LATS1: variants seen among roughly 807,000 people sequenced by gnomAD.
LATS1 encodes large tumor suppressor kinase 1.
Under a neutral mutation model 106.6 loss-of-function variants are expected in LATS1, and 25 were observed. The ratio of observed to expected loss-of-function variants is 0.23; its 90% CI spans 0.17 to 0.33. LATS1 has a LOEUF of 0.33. LATS1 is among the 10% of genes least tolerant of loss of function. LATS1 has a pLI of 1.00. For missense variants in LATS1, 1,040 were observed against 1,382.6 expected, an observed-to-expected ratio of 0.75 and a Z score of 3.93; for synonymous variants, 465 against 455.6, an observed-to-expected ratio of 1.02 and a Z score of -0.26.
rs909666768 is a variant in LATS1 at position 149,660,374 on chromosome 6, G to A, written c.*1355C>T. ...CTGCCTTTAATTTTACTACATATAC[G>A]GTTTCAATTAGCTTTTATGCGAAGA... On this transcript the variant is annotated 3_prime_UTR_variant, in exon 8 of 8. Transcript: ENST00000543571. 4.3e-6 allele frequency: 1 copy of A among 232,768 alleles called. No individual in the cohort carries two copies. The highest frequency in any genetic ancestry group is 8.5e-6 in the Non-Finnish European group (1 of 117,946). 14.4% of individuals were successfully genotyped at this position (232,768 alleles called of 1,614,324 possible). A position where few individuals can be genotyped will look rare whatever the true frequency, so the allele number is the denominator to read the frequency against.
At chr6:149,701,103 C>A (rs1211221848) in intron 2 of LATS1, among the ~76,000 whole-genome samples, 1 of 152,208 alleles carries the variant, frequency 6.6e-6, no homozygotes, top group Non-Finnish European at 1.5e-5. Context: ...TTTGATTATT[C>A]ACATTTACTT....
chr6:149,702,918 C>A (rs1244478131), intron 1 of LATS1, among the ~76,000 whole-genome samples: 6 of 151,054 alleles, frequency 4.0e-5, no homozygotes, highest in Non-Finnish European at 4.4e-5. Flanking sequence ...CATGATCCAC[C>A]CACCTCAGCC....
In LATS1 at chr6:149,676,459, T is replaced by C. The variant is rs970051889; in HGVS notation, c.2777-93A>G. 3 of 1,368,922 alleles carry C rather than the reference T, an allele frequency of 2.2e-6. No individual in the cohort carries two copies. The African/African-American group carries it at 4.4e-5, about 20-fold the overall frequency. The allele number at this position is 1,368,922 out of a possible 1,614,324, so 84.8% of individuals were successfully genotyped here. On this transcript the variant is annotated intron_variant, in intron 6 of 7. Transcript: ENST00000543571. ...TCACCAATTTATACTTTAAAATTAA[T>C]ACTTTTATTATAAGCCTGAAAAATA...
At chr6:149,676,137 C>A (rs1224835693) in intron 7 of LATS1, 123 bp downstream of exon 7, 24 of 683,300 alleles carry the variant, frequency 3.5e-5, no homozygotes, top group African/African-American at 2.7e-4. Flanking sequence ...TGGGTGTGAG[C>A]CACTGCACCC....
At position 149,659,515 on chromosome 6, in the gene LATS1, T is replaced by C. The variant is rs1780814390; in HGVS notation, c.*2214A>G. 1 of 229,004 alleles carries C rather than the reference T, an allele frequency of 4.4e-6. No individual in the cohort carries two copies. Among genetic ancestry groups the C allele is most frequent in the South Asian group, 1.8e-4 (1 of 5,484 alleles). The allele number at this position is 229,004 out of a possible 1,614,324, so 14.2% of individuals were successfully genotyped here. Reference sequence around the variant, plus strand: ...TGTAGTGTCTGTTACATTTCAGCAATAGGGGGAATACAGATTTTGTGGGAA... The same window carrying C: ...TGTAGTGTCTGTTACATTTCAGCAACAGGGGGAATACAGATTTTGTGGGAA... On this transcript the variant is annotated 3_prime_UTR_variant, in exon 8 of 8. Coordinates refer to ENST00000543571, the MANE Select transcript of LATS1 (RefSeq NM_004690.4).
intron 4 of LATS1, chr6:149,682,814 T>C (rs1362016757): frequency 6.8e-6 from 3 of 438,726 alleles, no homozygotes; most frequent in Non-Finnish European, 1.2e-5. Flanking sequence ...AGGTATTATG[T>C]ACACCTAAAC....
chr6:149,698,314 A>G (rs1404531074), intron 2 of LATS1, among the ~76,000 whole-genome samples: 2 of 148,754 alleles, frequency 1.3e-5, no homozygotes, highest in Non-Finnish European at 3.0e-5. Flanking sequence ...TGCAACCACA[A>G]CTCATTGCGA....
At chr6:149,684,623 A>T in intron 3 of LATS1, 31 bp from the exon 4 acceptor site, 1 of 1,470,320 alleles carries the variant, frequency 6.8e-7, no homozygotes, top group Non-Finnish European at 9.1e-7. Flanking sequence ...AAGAGAAAAA[A>T]GAATCATGTT....
At chr6:149,709,712 G>T in intron 1 of LATS1, among the ~76,000 whole-genome samples, 1 of 111,980 alleles carries the variant, frequency 8.9e-6, no homozygotes, top group Admixed American at 1.3e-4. Flanking sequence ...GTCTCACTCT[G>T]TTGCCCAGGT....
chr6:149,679,092 G>A (rs1238270773), intron 5 of LATS1, among the ~76,000 whole-genome samples: 1 of 152,050 alleles, frequency 6.6e-6, no homozygotes, highest in African/African-American at 2.4e-5. Flanking sequence ...ACACATTTGT[G>A]ATAAAAGGAT....
At chr6:149,662,952 C>T (rs572637491) in intron 7 of LATS1, among the ~76,000 whole-genome samples, 10 of 131,646 alleles carry the variant, frequency 7.6e-5, no homozygotes, top group East Asian at 2.2e-4. Flanking sequence ...TGTGACAGAG[C>T]GAGACACTGT....
At chr6:149,714,776 G>C (rs946734351) in intron 1 of LATS1, among the ~76,000 whole-genome samples, 9 of 152,128 alleles carry the variant, frequency 5.9e-5, no homozygotes, top group African/African-American at 2.2e-4. Flanking sequence ...TTAACTAACC[G>C]AAGTAATTCA....
chr6:149,701,280 T>C (rs764726755), intron 2 of LATS1, among the ~76,000 whole-genome samples: 1 of 152,244 alleles, frequency 6.6e-6, no homozygotes, highest in African/African-American at 2.4e-5. Context: ...TATTAAAGAC[T>C]TGGCAGTTAG....
intron 3 of LATS1, among the ~76,000 whole-genome samples, chr6:149,692,376 T>C (rs967362243): frequency 1.3e-5 from 2 of 152,186 alleles, no homozygotes; most frequent in African/African-American, 2.4e-5. Flanking sequence ...TCAGCTTTAT[T>C]ATCAGTTTGT....
At chr6:149,713,856 C>T (rs976069768) in intron 1 of LATS1, among the ~76,000 whole-genome samples, 1 of 152,124 alleles carries the variant, frequency 6.6e-6, no homozygotes, top group African/African-American at 2.4e-5. Context: ...GATGGGGTTT[C>T]ACCATGTTGG....
Position 149,680,204 on chromosome 6 carries a change from T to A in LATS1, c.2264A>T (p.Asp755Val). Reference protein sequence around the residue: ...NQVAHVKAERDILAEADNEWV... With the variant: ...NQVAHVKAERVILAEADNEWV... ...TTCATTGTCAGCTTCAGCCAGGATA[T>A]CTCTCTCAGCCTTAACATGAGCGAC... Residue 755 changes from aspartate to valine, a missense_variant, in exon 5 of 8, where the codon GAT (aspartate) becomes GTT (valine). This residue lies in a region of LATS1 where 167 missense variants were observed against 332.1 expected (regional missense o/e 0.50). Transcript: ENST00000543571. 6.2e-7 allele frequency: 1 copy of A among 1,614,074 alleles called. No individual in the cohort carries two copies. Among genetic ancestry groups the A allele is most frequent in the Non-Finnish European group, 8.5e-7 (1 of 1,179,950 alleles).
At chr6:149,667,438 C>CAAAA (rs1189854950) in intron 7 of LATS1, among the ~76,000 whole-genome samples, 3 of 33,960 alleles carry the variant, frequency 8.8e-5, no homozygotes, top group East Asian at 1.0e-3. Context: ...GACTGTATCT[C>CAAAA]AAAAAAAAAA....
chr6:149,695,483 G>A (rs764076396), intron 2 of LATS1, among the ~76,000 whole-genome samples: 17 of 152,098 alleles, frequency 1.1e-4, no homozygotes, highest in Non-Finnish European at 2.4e-4. Flanking sequence ...AGACCAGCCT[G>A]ACCAACATGG....
Position 149,683,817 on chromosome 6 carries a change from A to C in LATS1, c.1272T>G (p.Ile424Met). 7 of 1,613,984 alleles carry C rather than the reference A, an allele frequency of 4.3e-6. No individual in the cohort carries two copies. The Middle Eastern group carries it at 4.9e-4, about 114-fold the overall frequency. The change falls in exon 4 of 8, where the codon ATT becomes ATG. Residue 424 changes from isoleucine to methionine, a missense_variant. Ile to Met is a conservative substitution (Grantham distance 10). Coordinates refer to ENST00000543571, the MANE Select transcript of LATS1 (RefSeq NM_004690.4). ...RNSHNMELYN[I>M]SVPGLQTNWP... ...AATTTGTTTGCAGTCCAGGTACACT[A>C]ATGTTATATAGTTCCATGTTATGAC...
Sources: allele counts gnomAD v4.1 joint callset (sites outside exome capture counted in the v4.1 genomes callset), GRCh38; gene constraint gnomAD v4.1.1; regional missense constraint gnomAD v4.1.1; transcripts MANE v1.5; gene names NCBI Gene and HGNC (gene_info 2026-07-23, HGNC 2026-07-21).